Variants in ISM1 observed in about 807,000 individuals in gnomAD.
ISM1 encodes isthmin 1.
ISM1 carries 25 observed loss-of-function variants against 46.3 expected under a neutral mutation model. The observed-to-expected ratio is 0.54, with a 90% CI of 0.39 to 0.75. The LOEUF (loss-of-function observed/expected upper bound fraction) is 0.75. ISM1 is among the 30% of genes least tolerant of loss of function. The probability of loss-of-function intolerance (pLI) is 0.00; values close to 1 mark genes in which losing one functional copy is unlikely to be tolerated. For synonymous variants in ISM1, 255 were observed against 256.7 expected, an observed-to-expected ratio of 0.99 and a Z score of 0.06; for missense variants, 536 against 625.4, an observed-to-expected ratio of 0.86 and a Z score of 1.52.
At chr20:13,222,695 A>G (rs2039465506) in intron 1 of ISM1, among the ~76,000 whole-genome samples, 1 of 152,216 alleles carries the variant, frequency 6.6e-6, no homozygotes, top group Non-Finnish European at 1.5e-5. Flanking sequence ...GGCGTAGTGG[A>G]CGGTCAGACA....
At chr20:13,311,216 T>TGATAGATAGATAGATA in the ISM1 span, among the ~76,000 whole-genome samples, 4,805 of 132,928 alleles carry the variant, frequency 0.036, 123 homozygotes, top group Non-Finnish European at 0.04. Context: ...TATAGATAGA[T>TGATAGATAGATAGATA]GATAGATAGA....
chr20:13,311,232 A>AGATAGATAGATAGATAGATAGAT, the ISM1 span, among the ~76,000 whole-genome samples: 26 of 115,578 alleles, frequency 2.2e-4, no homozygotes, highest in African/African-American at 8.0e-4. Context: ...ATAGATAGAT[A>AGATAGATAGATAGATAGATAGAT]GATAGATAGA....
At chr20:13,245,438 A>G (rs1477734389) in intron 1 of ISM1, 5 of 152,208 alleles carry the variant, frequency 3.3e-5, no homozygotes, top group Admixed American at 1.3e-4. Context: ...GTGACATTCC[A>G]TCATGTTTGC....
chr20:13,240,169 G>C (rs538285118), intron 1 of ISM1, among the ~76,000 whole-genome samples: 1 of 152,276 alleles, frequency 6.6e-6, no homozygotes, highest in African/African-American at 2.4e-5. Context: ...CTTTCATATC[G>C]CGTGGCTGTG....
At chr20:13,238,028 G>A (rs1212166449) in intron 1 of ISM1, 1 of 152,128 alleles carries the variant, frequency 6.6e-6, no homozygotes, top group Non-Finnish European at 1.5e-5. Context: ...AAAGGAACTG[G>A]CTCCATGGTC....
In ISM1 at chr20:13,242,505, G is replaced by A. The variant is rs138780612; in HGVS notation, c.138+20591G>A. On this transcript the variant is annotated intron_variant, in intron 1 of 5. Transcript: ENST00000262487. Reference sequence around the variant, plus strand: ...ATTGATTATCATGGAGGAAAAGCCCGAGAAGGTCCAGTAAAAGGTTTGGGA... The same window carrying A: ...ATTGATTATCATGGAGGAAAAGCCCAAGAAGGTCCAGTAAAAGGTTTGGGA... Among the ~76,000 whole-genome samples the A allele has an allele frequency of 1.2e-3, 183 of 152,138 alleles. 1 individual carries two copies. Among genetic ancestry groups the A allele is most frequent in the African/African-American group, 4.3e-3 (177 of 41,438 alleles).
chr20:13,260,621 T>C (rs560941328), intron 1 of ISM1, among the ~76,000 whole-genome samples: 1 of 151,948 alleles, frequency 6.6e-6, no homozygotes, highest in South Asian at 2.1e-4. Flanking sequence ...TTTTTTGAAG[T>C]TAGTGTGAAA....
chr20:13,248,962 G>T (rs6109776), intron 1 of ISM1, among the ~76,000 whole-genome samples: 39,048 of 152,090 alleles, frequency 0.26, 5,144 homozygotes, highest in African/African-American at 0.33. Flanking sequence ...CTTCTTAAGC[G>T]GCTTGTACAG....
chr20:13,291,835 TC>T (rs1249052152), intron 4 of ISM1, among the ~76,000 whole-genome samples: 1 of 152,194 alleles, frequency 6.6e-6, no homozygotes, highest in Non-Finnish European at 1.5e-5. Flanking sequence ...ACCTAACACT[TC>T]CCACTTGCTG....
intron 1 of ISM1, among the ~76,000 whole-genome samples, chr20:13,229,207 G>T (rs1343507298): frequency 6.6e-6 from 1 of 150,938 alleles, no homozygotes; most frequent in Non-Finnish European, 1.5e-5. Context: ...CAATAAAATG[G>T]ATGAATCTTA....
chr20:13,280,155 G>C (rs1054766381), intron 3 of ISM1, among the ~76,000 whole-genome samples: 5 of 151,972 alleles, frequency 3.3e-5, no homozygotes, highest in African/African-American at 1.2e-4. Context: ...AGGATCTTTG[G>C]GGTTCTTTCT....
At chr20:13,228,566 TTA>T (rs1383852144) in intron 1 of ISM1, among the ~76,000 whole-genome samples, 2 of 152,178 alleles carry the variant, frequency 1.3e-5, no homozygotes, top group African/African-American at 4.8e-5. Flanking sequence ...CTTGATGCTT[TTA>T]TGATTTTTTT....
At chr20:13,316,220 A>G in the ISM1 span, among the ~76,000 whole-genome samples, 20 of 151,990 alleles carry the variant, frequency 1.3e-4, no homozygotes, top group African/African-American at 4.8e-4. Flanking sequence ...CTGGAAAAAC[A>G]CAATCTGCCA....
chr20:13,298,916 G>A (rs1448838768), intron 5 of ISM1, 26 bp from the exon 6 acceptor site: 6 of 1,608,636 alleles, frequency 3.7e-6, no homozygotes, highest in Non-Finnish European at 8.5e-7. Flanking sequence ...CACGCGGTGA[G>A]AGGGTTTCTC....
chr20:13,253,120 C>A (rs543148675), intron 1 of ISM1, among the ~76,000 whole-genome samples: 1 of 152,144 alleles, frequency 6.6e-6, no homozygotes, highest in Non-Finnish European at 1.5e-5. Context: ...TACTTGCTAC[C>A]CAAGCAGACC....
chr20:13,310,562 A>G, the ISM1 span, among the ~76,000 whole-genome samples: 1 of 152,244 alleles, frequency 6.6e-6, no homozygotes, highest in Non-Finnish European at 1.5e-5. Flanking sequence ...AAGCAAAAAT[A>G]GGCAAACGGG....
chr20:13,311,830 A>T, the ISM1 span, among the ~76,000 whole-genome samples: 2 of 152,208 alleles, frequency 1.3e-5, no homozygotes, highest in African/African-American at 2.4e-5. Flanking sequence ...AAAGTGTACA[A>T]AGTTTCAGTT....
intron 4 of ISM1, among the ~76,000 whole-genome samples, chr20:13,291,734 A>T (rs748445701): frequency 6.6e-6 from 1 of 152,206 alleles, no homozygotes; most frequent in Non-Finnish European, 1.5e-5. Flanking sequence ...GTGTCCTAGA[A>T]TATGAGATAA....
At chr20:13,319,553 G>A in the ISM1 span, among the ~76,000 whole-genome samples, 1 of 152,150 alleles carries the variant, frequency 6.6e-6, no homozygotes, top group East Asian at 1.9e-4. Context: ...TGAAAGGAAA[G>A]AAAGACAGGC....
Sources: gnomAD v4.1 joint callset for allele counts (sites outside exome capture counted in the v4.1 genomes callset) on GRCh38, gnomAD v4.1.1 for gene constraint, MANE v1.5 for transcripts, NCBI Gene and HGNC (gene_info 2026-07-23, HGNC 2026-07-21) for gene names.